The following ZNF543 variants were observed in gnomAD, a reference collection of about 807,000 sequenced individuals.
ZNF543 encodes the protein zinc finger protein 543.
A neutral mutation model predicts 13.4 loss-of-function variants in ZNF543; 10 were observed. That is an observed-to-expected ratio of 0.75 (90% CI 0.46 to 1.26). The LOEUF is 1.26. Ranked by LOEUF, ZNF543 falls within the 50% of genes most tolerant of loss-of-function variation. ZNF543 has a pLI of 0.00. For missense variants in ZNF543, 768 were observed against 741.2 expected (o/e 1.04, Z -0.42); for synonymous variants, 272 against 264.7 (o/e 1.03, Z -0.27).
Position 57,326,641 on chromosome 19 carries a change from T to G in ZNF543, c.154T>G (p.Leu52Val), listed in dbSNP as rs747584087. The stretch of plus-strand genomic sequence containing the variant: ...TTGTTCTCCATGCACAGGCTGTCCT[T>G]TGTTCAAACCAGAGCTGATCTACCA... ...CGLLMSLGCP[L>V]FKPELIYQLD... Residue 52 changes from leucine (L) to valine (V), a missense_variant, in exon 3 of 4, where the codon TTG (leucine) becomes GTG (valine). Transcript: ENST00000321545. 1.9e-6 allele frequency: 3 copies of G among 1,613,962 alleles called. No individual in the cohort carries two copies. The South Asian group carries it at 3.3e-5, about 18-fold the overall frequency.
intron 3 of ZNF543, among the ~76,000 whole-genome samples, chr19:57,327,168 T>G (rs1159768502): frequency 6.6e-6 from 1 of 151,862 alleles, no homozygotes; most frequent in Non-Finnish European, 1.5e-5. Context: ...CATCTTAAAT[T>G]TAAGTACTTC....
chr19:57,326,529 A>T (rs2088121785), intron 2 of ZNF543, 104 bp from the exon 3 acceptor site: 2 of 811,216 alleles, frequency 2.5e-6, no homozygotes, highest in Non-Finnish European at 4.0e-6. Context: ...GGCTGAGAAT[A>T]GCTTCACTTC....
In ZNF543 at chr19:57,329,486, G is replaced by T; in HGVS notation, c.*221G>T. ...ACTTTCAGCCACATCTTTCTTCTTAGTTTACAGTGAAATATTATCTCAGGG... is the reference window on the plus strand; with the variant it reads ...ACTTTCAGCCACATCTTTCTTCTTATTTTACAGTGAAATATTATCTCAGGG... On this transcript the variant is annotated 3_prime_UTR_variant, in exon 4 of 4. Coordinates refer to ENST00000321545, the MANE Select transcript of ZNF543 (RefSeq NM_213598.4). The T allele has an allele frequency of 1.8e-5, 9 of 493,878 alleles. No individual in the cohort carries two copies. The highest frequency in any genetic ancestry group is 3.9e-5 in the South Asian group (1 of 25,802). 30.6% of individuals were successfully genotyped at this position (493,878 alleles called of 1,614,324 possible).
At position 57,323,693 on chromosome 19, in the gene ZNF543, C is replaced by T; in HGVS notation, c.30C>T (p.Thr10=). 2 of 1,613,124 alleles carry T rather than the reference C, an allele frequency of 1.2e-6. No homozygotes were observed. The highest frequency in any genetic ancestry group is 1.7e-6 in the Non-Finnish European group (2 of 1,179,406). ...GTTTAATTTTCCAGGTGTCTGTGAC[C>T]TTTGAGGATGTGGCTGTGACATTCA... MAASAQVSV[T]FEDVAVTFTQ... Residue 10 remains threonine (T), a synonymous_variant, in exon 2 of 4, where the codon ACC becomes ACT. Coordinates refer to ENST00000321545, the MANE Select transcript of ZNF543 (RefSeq NM_213598.4).
chr19:57,322,078 A>C (rs994884604), intron 1 of ZNF543, among the ~76,000 whole-genome samples: 58 of 152,146 alleles, frequency 3.8e-4, no homozygotes, highest in African/African-American at 1.3e-3. Flanking sequence ...TCAGGGGCCC[A>C]TGTTCTCATG....
intron 2 of ZNF543, 97 bp from the exon 3 acceptor site, chr19:57,326,536 C>A: frequency 5.6e-6 from 5 of 889,920 alleles, no homozygotes; most frequent in Non-Finnish European, 8.9e-6. Context: ...AATAGCTTCA[C>A]TTCATGGTCT....
In ZNF543 at chr19:57,330,584, A is replaced by G. The variant is rs138614078; in HGVS notation, c.*1319A>G. 2.0e-5 allele frequency: 3 copies of G among 152,142 alleles called. No individual in the cohort carries two copies. Among genetic ancestry groups the G allele is most frequent in the Non-Finnish European group, 2.9e-5 (2 of 68,030 alleles). The allele number at this position is 152,142 out of a possible 1,614,324, so 9.4% of individuals were successfully genotyped here. A position where few individuals can be genotyped will look rare whatever the true frequency, so the allele number is the denominator to read the frequency against. On this transcript the variant is annotated 3_prime_UTR_variant, in exon 4 of 4. Transcript: ENST00000321545. The stretch of plus-strand genomic sequence containing the variant: ...TTTTAACAGGCAAGCCGGCATGCAT[A>G]TATGTAGGGATGTGTGACTTTCACA...
At chr19:57,321,209 T>C (rs1380562945) in intron 1 of ZNF543, among the ~76,000 whole-genome samples, 1 of 152,192 alleles carries the variant, frequency 6.6e-6, no homozygotes, top group Non-Finnish European at 1.5e-5. Flanking sequence ...TCCTTTGCTC[T>C]TCAGAGCCAC....
intron 2 of ZNF543, 76 bp downstream of exon 2, chr19:57,323,884 C>T (rs4801216): frequency 0.6 from 919,664 of 1,544,180 alleles, 276,709 homozygotes; most frequent in Admixed American, 0.63. Flanking sequence ...CTCCACAGCC[C>T]ACTTGTTCTG....
Position 57,323,496 on chromosome 19 carries a change from C to G in ZNF543, c.19-186C>G, listed in dbSNP as rs897017124. The G allele has an allele frequency of 3.0e-5, 23 of 755,550 alleles. No individual in the cohort carries two copies. In the Admixed American group the frequency reaches 4.0e-4, roughly 13 times the overall value. The allele number at this position is 755,550 out of a possible 1,614,324, so 46.8% of individuals were successfully genotyped here. A position where few individuals can be genotyped will look rare whatever the true frequency, so the allele number is the denominator to read the frequency against. ...CGTGAGCCACCGCGCCTGACCGACA[C>G]TGCTGTAATTTATCCAAGGCAATGT... On this transcript the variant is annotated intron_variant, in intron 1 of 3. Coordinates refer to ENST00000321545, the MANE Select transcript of ZNF543 (RefSeq NM_213598.4).
chr19:57,326,709 C>T lies in ZNF543; in HGVS notation c.222C>T (p.Leu74=), dbSNP rs146827949. 6.2e-7 allele frequency: 1 copy of T among 1,613,794 alleles called. No individual in the cohort carries two copies. The highest frequency in any genetic ancestry group is 8.5e-7 in the Non-Finnish European group (1 of 1,179,938). Residue 74 remains leucine, a synonymous_variant, in exon 3 of 4, where the codon CTC becomes CTT. Transcript: ENST00000321545. The part of the protein sequence containing the change: ...RQELWMATKD[L]SQSSYPGDNT... The stretch of plus-strand genomic sequence containing the variant: ...AGCTATGGATGGCTACAAAAGACCT[C>T]TCCCAAAGCTCCTATCCAGGTAGGA...
Position 57,323,642 on chromosome 19 carries a change from G to A in ZNF543, c.19-40G>A, listed in dbSNP as rs377554667. The A allele has an allele frequency of 3.7e-6, 6 of 1,605,560 alleles. No individual in the cohort carries two copies. The African/African-American group carries it at 4.0e-5, about 11-fold the overall frequency. On this transcript the variant is annotated intron_variant, in intron 1 of 3. Transcript: ENST00000321545. Reference sequence around the variant, plus strand: ...TGACAAGTTCTAGTTGTATTCCACAGTTCCAAGGGAAACACTACTATCTCT... The same window carrying A: ...TGACAAGTTCTAGTTGTATTCCACAATTCCAAGGGAAACACTACTATCTCT...
chr19:57,326,149 A>G (rs1226723571), intron 2 of ZNF543, among the ~76,000 whole-genome samples: 3 of 152,112 alleles, frequency 2.0e-5, no homozygotes, highest in Admixed American at 1.3e-4. Flanking sequence ...AGCCAGCACT[A>G]CTGCTTACAG....
chr19:57,329,482 C>A lies in ZNF543; in HGVS notation c.*217C>A. The A allele has an allele frequency of 3.9e-6, 2 of 515,990 alleles. No homozygotes were observed. Among genetic ancestry groups the A allele is most frequent in the Non-Finnish European group, 6.6e-6 (2 of 304,054 alleles). 32.0% of individuals were successfully genotyped at this position (515,990 alleles called of 1,614,324 possible). A position where few individuals can be genotyped will look rare whatever the true frequency, so the allele number is the denominator to read the frequency against. The stretch of plus-strand genomic sequence containing the variant: ...GAAAACTTTCAGCCACATCTTTCTT[C>A]TTAGTTTACAGTGAAATATTATCTC... On this transcript the variant is annotated 3_prime_UTR_variant, in exon 4 of 4. Coordinates refer to ENST00000321545, the MANE Select transcript of ZNF543 (RefSeq NM_213598.4).
Position 57,323,762 on chromosome 19 carries a change from G to C in ZNF543, c.99G>C (p.Leu33Phe). 6.2e-7 allele frequency: 1 copy of C among 1,613,652 alleles called. No homozygotes were observed. ...AGTTGGATGCAGCCCAGAGAACCTTGTATCAGGAGGTGATGCTGGAGACCT... is the reference window on the plus strand; with the variant it reads ...AGTTGGATGCAGCCCAGAGAACCTTCTATCAGGAGGTGATGCTGGAGACCT... ...WGQLDAAQRTLYQEVMLETCG... is the reference protein window; with the variant it reads ...WGQLDAAQRTFYQEVMLETCG... Residue 33 changes from leucine to phenylalanine, a missense_variant, in exon 2 of 4, where the codon TTG (leucine) becomes TTC (phenylalanine). Leu to Phe is a conservative substitution (Grantham distance 22). Coordinates refer to ENST00000321545, the MANE Select transcript of ZNF543 (RefSeq NM_213598.4).
chr19:57,321,556 G>T lies in ZNF543; in HGVS notation c.18+685G>T, dbSNP rs184344077. 1.8e-3 allele frequency among the ~76,000 whole-genome samples: 275 copies of T among 152,270 alleles called. 1 individual carries two copies. Among genetic ancestry groups the T allele is most frequent in the African/African-American group, 6.3e-3 (260 of 41,530 alleles). ...CTGATCATAAAGAGTCCTTGCTGTG[G>T]GCTGATTGGCAGGCATTATTTAACC... On this transcript the variant is annotated intron_variant, in intron 1 of 3. Transcript: ENST00000321545.
rs763186581 is a variant in ZNF543, at chr19:57,328,865, G to T, written c.1403G>T (p.Arg468Leu). 1 of 1,613,394 alleles carries T rather than the reference G, an allele frequency of 6.2e-7. No homozygotes were observed. The highest frequency in any genetic ancestry group is 1.7e-5 in the Admixed American group (1 of 59,946). ...TTTAGTGATAGGGCAGACCTCATTC[G>T]CCACTTCAGCATCCACACTGGAGAG... ...KAFSDRADLI[R>L]HFSIHTGEKP... The change falls in exon 4 of 4, where the codon CGC becomes CTC. Residue 468 changes from arginine (R) to leucine (L), a missense_variant. This residue lies in a region of ZNF543 where 677 missense variants were observed against 631.4 expected (regional missense o/e 1.07). Coordinates refer to ENST00000321545, the MANE Select transcript of ZNF543 (RefSeq NM_213598.4).
intron 1 of ZNF543, 145 bp from the exon 2 acceptor site, chr19:57,323,537 G>C (rs1048505629): frequency 1.9e-6 from 2 of 1,077,126 alleles, no homozygotes; most frequent in Non-Finnish European, 2.8e-6. Context: ...TTCCCCTCAT[G>C]CCTGGCACAG....
At position 57,328,833 on chromosome 19, in the gene ZNF543, A is replaced by G. The variant is rs773731292; in HGVS notation, c.1371A>G (p.Gly457=). 12 of 1,613,744 alleles carry G rather than the reference A, an allele frequency of 7.4e-6. No homozygotes were observed. The highest frequency in any genetic ancestry group is 2.2e-5 in the South Asian group (2 of 91,068). ...AACCCTATGAATGCAAAGAATGTGG[A>G]AAAGCCTTTAGTGATAGGGCAGACC... ...GEKPYECKEC[G]KAFSDRADLI... is the part of the protein sequence containing the mutation. The change falls in exon 4 of 4, where the codon GGA becomes GGG. Residue 457 remains glycine, a synonymous_variant. Coordinates refer to ENST00000321545, the MANE Select transcript of ZNF543 (RefSeq NM_213598.4).
Sources: gnomAD v4.1 joint callset for allele counts (sites outside exome capture counted in the v4.1 genomes callset) on GRCh38, gnomAD v4.1.1 for gene constraint, gnomAD v4.1.1 regional missense constraint, MANE v1.5 for transcripts, NCBI Gene and HGNC (gene_info 2026-07-23, HGNC 2026-07-21) for gene names.